MKRN1: variants seen among roughly 807,000 people sequenced by gnomAD.
The protein encoded by MKRN1 is makorin ring finger protein 1.
Under a neutral mutation model 55.5 loss-of-function variants are expected in MKRN1, and 9 were observed. The observed-to-expected ratio is 0.16, with a 90% confidence interval of 0.10 to 0.28. The LOEUF is 0.28. Among genes scored for constraint, MKRN1 ranks in the 10% least tolerant of loss-of-function variants. MKRN1 has a pLI of 1.00. For synonymous variants in MKRN1, 253 were observed against 235.9 expected, an observed-to-expected ratio of 1.07 and a Z score of -0.66; for missense variants, 488 against 626.7, an observed-to-expected ratio of 0.78 and a Z score of 2.36.
At chr7:140,473,440 TA>T in intron 1 of MKRN1, 1 of 285,684 alleles carries the variant, frequency 3.5e-6, no homozygotes, top group Non-Finnish European at 6.9e-6. Context: ...AGTTACCCTG[TA>T]AGGGTACAAG....
Position 140,453,770 on chromosome 7 carries a change from G to C in MKRN1, c.*747C>G, listed in dbSNP as rs569911355. The C allele has an allele frequency of 6.5e-6, 1 of 153,428 alleles. No individual in the cohort carries two copies. The highest frequency in any genetic ancestry group is 2.4e-5 in the African/African-American group (1 of 41,444). 9.5% of individuals were successfully genotyped at this position (153,428 alleles called of 1,614,324 possible). A position where few individuals can be genotyped will look rare whatever the true frequency, so the allele number is the denominator to read the frequency against. ...AGGCTAAGAATACTGCATCTATGCA[G>C]GGATGAGAAGCTTATCACACACCCA... On this transcript the variant is annotated 3_prime_UTR_variant, in exon 8 of 8. Transcript: ENST00000255977.
intron 1 of MKRN1, among the ~76,000 whole-genome samples, chr7:140,474,002 A>AAGAAAG (rs1795021558): frequency 8.3e-6 from 1 of 120,450 alleles, no homozygotes; most frequent in African/African-American, 3.8e-5. Context: ...CAAAAAAAAA[A>AAGAAAG]AAAAAAGAAA....
chr7:140,463,660 C>A (rs369963812), intron 2 of MKRN1, among the ~76,000 whole-genome samples: 3 of 151,966 alleles, frequency 2.0e-5, no homozygotes, highest in South Asian at 2.1e-4. Flanking sequence ...CCAAGGTGGG[C>A]GGATCACAAG....
intron 1 of MKRN1, 199 bp downstream of exon 1, chr7:140,478,961 C>CG (rs1795206314): frequency 1.7e-6 from 1 of 574,858 alleles, no homozygotes; most frequent in Non-Finnish European, 2.5e-6. Context: ...GAGGGCTCCG[C>CG]GGCCCAGCGG....
intron 1 of MKRN1, 171 bp downstream of exon 1, chr7:140,478,989 G>A: frequency 1.2e-6 from 1 of 800,870 alleles, no homozygotes; most frequent in Non-Finnish European, 1.7e-6. Flanking sequence ...CGCAGTGACT[G>A]GGGGAACGCG....
At chr7:140,470,997 T>A (rs28563126) in intron 2 of MKRN1, among the ~76,000 whole-genome samples, 40,794 of 151,732 alleles carry the variant, frequency 0.27, 9,242 homozygotes, top group African/African-American at 0.63. Context: ...ATCTCATAAG[T>A]GTCTCTGAGA....
intron 1 of MKRN1, among the ~76,000 whole-genome samples, chr7:140,474,009 G>GA (rs1217715094): frequency 1.1e-4 from 2 of 18,828 alleles, no homozygotes; most frequent in African/African-American, 9.4e-4. Flanking sequence ...AAAAAAAAAA[G>GA]AAAGAAAGAA....
intron 1 of MKRN1, chr7:140,473,139 C>T (rs1306064580): frequency 4.1e-5 from 16 of 389,674 alleles, no homozygotes; most frequent in Non-Finnish European, 5.9e-5. Flanking sequence ...ATATAGTCTA[C>T]GTCAAAGAAT....
At chr7:140,463,586 C>T (rs1450054688) in intron 2 of MKRN1, among the ~76,000 whole-genome samples, 1 of 152,154 alleles carries the variant, frequency 6.6e-6, no homozygotes, top group African/African-American at 2.4e-5. Flanking sequence ...CAGCAAGTAT[C>T]CTTAGAAATC....
chr7:140,455,219 C>G lies in MKRN1; in HGVS notation c.1112G>C (p.Arg371Thr). 1 of 1,614,088 alleles carries G rather than the reference C, an allele frequency of 6.2e-7. No homozygotes were observed. The highest frequency in any genetic ancestry group is 8.5e-7 in the Non-Finnish European group (1 of 1,180,024). ...YKEAMSNKAC[R>T]YFDEGRGSCP... ...GCTCCCACGTCCTTCATCAAAATAC[C>G]TGCACGCCTTGTTGCTGGAAAGGAA... Residue 371 changes from arginine to threonine, a missense_variant, in exon 7 of 8, where the codon AGG becomes ACG. Arg to Thr is a moderately conservative substitution (Grantham distance 71, BLOSUM62 -1). Transcript: ENST00000255977.
chr7:140,458,722 T>C (rs1344007489), intron 4 of MKRN1, among the ~76,000 whole-genome samples: 1 of 152,164 alleles, frequency 6.6e-6, no homozygotes, highest in Non-Finnish European at 1.5e-5. Flanking sequence ...AAGTAGGACT[T>C]CTTTTTTTCT....
intron 1 of MKRN1, chr7:140,473,711 A>C (rs1795002099): frequency 6.6e-6 from 1 of 152,440 alleles, no homozygotes; most frequent in African/African-American, 2.4e-5. Context: ...AAAGGTAGAA[A>C]GCCGGGTTCG....
intron 6 of MKRN1, 42 bp from the exon 7 acceptor site, chr7:140,455,275 C>G (rs769902287): frequency 6.2e-7 from 1 of 1,611,562 alleles, no homozygotes; most frequent in Non-Finnish European, 8.5e-7. Context: ...CAGTGGATTT[C>G]AGGTCTGTAT....
intron 1 of MKRN1, chr7:140,473,255 T>C (rs965463899): frequency 2.2e-6 from 1 of 449,444 alleles, no homozygotes; most frequent in Admixed American, 2.4e-5. Flanking sequence ...CCAAGTTGAG[T>C]TTGCCTTCGG....
chr7:140,477,861 C>T (rs1414216253), intron 1 of MKRN1, among the ~76,000 whole-genome samples: 1 of 152,182 alleles, frequency 6.6e-6, no homozygotes, highest in Non-Finnish European at 1.5e-5. Flanking sequence ...ATAATTTGCT[C>T]CATGAGTAGA....
At position 140,454,384 on chromosome 7, in the gene MKRN1, T is replaced by C; in HGVS notation, c.*133A>G. 1.3e-6 allele frequency: 1 copy of C among 781,400 alleles called. No individual in the cohort carries two copies. Among genetic ancestry groups the C allele is most frequent in the Non-Finnish European group, 2.1e-6 (1 of 471,214 alleles). The allele number at this position is 781,400 out of a possible 1,614,324, so 48.4% of individuals were successfully genotyped here. The stretch of plus-strand genomic sequence containing the variant: ...GGTGAGGGGTTGAGAAGACAGGCCC[T>C]GGGTAAAAATTCTTAGGACAGCACC... On this transcript the variant is annotated 3_prime_UTR_variant, in exon 8 of 8. Transcript: ENST00000255977.
intron 1 of MKRN1, 85 bp from the exon 2 acceptor site, chr7:140,472,096 A>C: frequency 6.5e-7 from 1 of 1,549,540 alleles, no homozygotes; most frequent in South Asian, 1.1e-5. Flanking sequence ...TAATATATTC[A>C]ACCAGTAAAT....
chr7:140,464,884 G>C (rs188793281), intron 2 of MKRN1, among the ~76,000 whole-genome samples: 2 of 152,202 alleles, frequency 1.3e-5, no homozygotes, highest in East Asian at 3.9e-4. Context: ...TAACCTCCCT[G>C]GGCTCAGGTG....
chr7:140,457,680 AAAGC>A (rs1396298819), intron 4 of MKRN1, among the ~76,000 whole-genome samples: 1 of 152,120 alleles, frequency 6.6e-6, no homozygotes, highest in Non-Finnish European at 1.5e-5. Context: ...CCTGGGGGAC[AAAGC>A]AAGACTCTGT....
Sources: allele counts gnomAD v4.1 joint callset (sites outside exome capture counted in the v4.1 genomes callset), GRCh38; gene constraint gnomAD v4.1.1; transcripts MANE v1.5; gene names NCBI Gene and HGNC (gene_info 2026-07-23, HGNC 2026-07-21).